The following RNF17 variants were observed in gnomAD, a reference collection of about 807,000 sequenced individuals.
RNF17 encodes the protein spermatogenesis associated 23.
A neutral mutation model predicts 200.5 loss-of-function variants in RNF17; 31 were observed. The ratio of observed to expected loss-of-function variants is 0.15; its 90% CI spans 0.12 to 0.21. The LOEUF (loss-of-function observed/expected upper bound fraction) is 0.21. Among genes scored for constraint, RNF17 ranks in the 10% least tolerant of loss-of-function variants. The pLI, the probability that RNF17 is intolerant of heterozygous loss-of-function variation, is 1.00. For synonymous variants in RNF17, 606 were observed against 637.8 expected (o/e 0.95, Z 0.75); for missense variants, 1,628 against 1,905.1 (o/e 0.85, Z 2.71).
rs1172829990 is a variant in RNF17 at position 24,874,252 on chromosome 13, T to A, written c.4583+3T>A. The A allele has an allele frequency of 1.3e-6, 2 of 1,569,874 alleles. No homozygotes were observed. The highest frequency in any genetic ancestry group is 1.7e-6 in the Non-Finnish European group (2 of 1,163,312). ...ACTGCAAAGCTGACATTAAACAGGT[T>A]AAAAATAAATGTCGGGGTGTTGAAT... On this transcript the variant is annotated splice_donor_region_variant and intron_variant, in intron 33 of 35. Transcript: ENST00000255324.
At chr13:24,870,455 G>C in intron 31 of RNF17, 116 bp from the exon 32 acceptor site, 1 of 746,852 alleles carries the variant, frequency 1.3e-6, no homozygotes, top group South Asian at 1.7e-5. Flanking sequence ...ATATCAGGAG[G>C]TGTAGGGGTC....
At chr13:24,753,912 T>A in the RNF17 span, among the ~76,000 whole-genome samples, 1 of 152,130 alleles carries the variant, frequency 6.6e-6, no homozygotes, top group African/African-American at 2.4e-5. Flanking sequence ...ATCCCAGCTC[T>A]TTGGGAGCCC....
At chr13:24,759,578 C>T (rs1252711731), upstream of RNF17, among the ~76,000 whole-genome samples, 1 of 152,148 alleles carries the variant, frequency 6.6e-6, no homozygotes, top group Admixed American at 6.5e-5. Flanking sequence ...GTTGTCATCT[C>T]TAGAAATTTA....
At chr13:24,841,007 C>T (rs1890577074) in intron 18 of RNF17, among the ~76,000 whole-genome samples, 1 of 152,108 alleles carries the variant, frequency 6.6e-6, no homozygotes, top group Admixed American at 6.6e-5. Context: ...CTAGCAGCTA[C>T]CGGCTGGAAA....
At chr13:24,798,687 G>A (rs1294466984) in intron 11 of RNF17, among the ~76,000 whole-genome samples, 2 of 152,152 alleles carry the variant, frequency 1.3e-5, no homozygotes, top group Non-Finnish European at 2.9e-5. Context: ...TAGGGTTGTT[G>A]TGGGGAGTAA....
chr13:24,840,615 A>G (rs1292114493), intron 18 of RNF17, among the ~76,000 whole-genome samples: 1 of 152,148 alleles, frequency 6.6e-6, no homozygotes, highest in East Asian at 1.9e-4. Flanking sequence ...CTTGGATGAG[A>G]TTGGAGACTA....
chr13:24,762,937 C>T (rs781467663), upstream of RNF17, among the ~76,000 whole-genome samples: 2 of 152,200 alleles, frequency 1.3e-5, no homozygotes, highest in Non-Finnish European at 2.9e-5. Context: ...TTTAAGGAAA[C>T]TCATACTCTG....
Position 24,767,542 on chromosome 13 carries a change from G to T in RNF17, c.225+176G>T, listed in dbSNP as rs546011584. On this transcript the variant is annotated intron_variant, in intron 2 of 35. Transcript: ENST00000255324. The stretch of plus-strand genomic sequence containing the variant: ...AGGCGGGCAGATCACGAGATCAAGA[G>T]ATCAAGACCACCTTGGCCAACATGG... Among the ~76,000 whole-genome samples the T allele has an allele frequency of 5.8e-4, 89 of 152,274 alleles. 1 individual carries two copies. Among genetic ancestry groups the T allele is most frequent in the South Asian group, 3.1e-3 (15 of 4,828 alleles).
At chr13:24,796,105 T>C (rs1348641083) in intron 10 of RNF17, 32 bp from the exon 11 acceptor site, 6 of 1,518,060 alleles carry the variant, frequency 4.0e-6, no homozygotes, top group Non-Finnish European at 5.4e-6. Flanking sequence ...TAACTCATGG[T>C]TTATTAATGT....
At chr13:24,759,627 G>A (rs1878520123), upstream of RNF17, among the ~76,000 whole-genome samples, 1 of 152,094 alleles carries the variant, frequency 6.6e-6, no homozygotes, top group South Asian at 2.1e-4. Flanking sequence ...TGTATCATAG[G>A]ACTATCTCTA....
At chr13:24,752,690 G>A in the RNF17 span, among the ~76,000 whole-genome samples, 103 of 152,382 alleles carry the variant, frequency 6.8e-4, no homozygotes, top group Admixed American at 4.0e-3. Flanking sequence ...GATGGAAGCC[G>A]CTGATCTGAC....
chr13:24,851,057 C>T (rs1193866665), intron 23 of RNF17, among the ~76,000 whole-genome samples: 5 of 152,168 alleles, frequency 3.3e-5, no homozygotes, highest in Non-Finnish European at 7.3e-5. Context: ...TGCAGTGGCG[C>T]GATCTCGGCT....
At position 24,853,983 on chromosome 13, in the gene RNF17, T is replaced by C; in HGVS notation, c.3449T>C (p.Ile1150Thr). 6.2e-7 allele frequency: 1 copy of C among 1,614,190 alleles called. No individual in the cohort carries two copies. The highest frequency in any genetic ancestry group is 8.5e-7 in the Non-Finnish European group (1 of 1,180,016). The change falls in exon 25 of 36, where the codon ATA (isoleucine) becomes ACA (threonine). Residue 1150 changes from isoleucine (I) to threonine (T), a missense_variant. Physicochemically the swap from Ile to Thr is moderately conservative, Grantham distance 89. This residue lies in a region of RNF17 where 609 missense variants were observed against 681.9 expected (regional missense o/e 0.89). Coordinates refer to ENST00000255324, the MANE Select transcript of RNF17 (RefSeq NM_031277.3). ...GACCCTGACAAGAAAACTGCTGACA[T>C]AATCAGTGAACAGAAAGTGTCTGAA... ...NFDPDKKTAD[I>T]ISEQKVSEFQ...
chr13:24,835,772 C>T (rs559279107), intron 18 of RNF17, among the ~76,000 whole-genome samples: 2 of 152,200 alleles, frequency 1.3e-5, no homozygotes, highest in Non-Finnish European at 2.9e-5. Context: ...CTCTTCAATA[C>T]CCCCCCAAAA....
At chr13:24,876,917 G>A (rs370298826) in intron 33 of RNF17, 80 bp from the exon 34 acceptor site, 22 of 1,161,468 alleles carry the variant, frequency 1.9e-5, no homozygotes, top group East Asian at 1.8e-4. Flanking sequence ...GTTATGAAGC[G>A]TTTCCCCTAT....
chr13:24,767,352 T>C lies in RNF17; in HGVS notation c.211T>C (p.Cys71Arg). ...LMTEECTTII[C>R]PDCEVATAVN... is the part of the protein sequence containing the mutation. ...GACTGAAGAATGCACCACAATTATA[T>C]GCCCTGATTGTGAGGTAAGTGTTAT... is the stretch of plus-strand genomic sequence containing the variant. The change falls in exon 2 of 36, where the codon TGC becomes CGC. Residue 71 changes from cysteine to arginine, a missense_variant. Coordinates refer to ENST00000255324, the MANE Select transcript of RNF17 (RefSeq NM_031277.3). The C allele has an allele frequency of 6.3e-7, 1 of 1,598,744 alleles. No individual in the cohort carries two copies. Among genetic ancestry groups the C allele is most frequent in the Non-Finnish European group, 8.6e-7 (1 of 1,166,172 alleles).
At chr13:24,865,443 G>C (rs1027170802) in intron 29 of RNF17, among the ~76,000 whole-genome samples, 1 of 152,152 alleles carries the variant, frequency 6.6e-6, no homozygotes, top group African/African-American at 2.4e-5. Context: ...GCTTCCATAA[G>C]TGGCTCATTC....
intron 15 of RNF17, among the ~76,000 whole-genome samples, chr13:24,807,495 TG>T (rs1357930769): frequency 6.6e-6 from 1 of 152,202 alleles, no homozygotes; most frequent in East Asian, 1.9e-4. Flanking sequence ...TTGATGGGGT[TG>T]TTTTTTTCTT....
intron 5 of RNF17, 135 bp from the exon 6 acceptor site, chr13:24,781,709 A>C (rs1244774812): frequency 3.3e-6 from 2 of 606,650 alleles, no homozygotes; most frequent in Non-Finnish European, 5.7e-6. Flanking sequence ...GACTTATTCT[A>C]TTTATATTAT....
Sources: allele counts gnomAD v4.1 joint callset (sites outside exome capture counted in the v4.1 genomes callset), GRCh38; gene constraint gnomAD v4.1.1; regional missense constraint gnomAD v4.1.1; transcripts MANE v1.5; gene names NCBI Gene and HGNC (gene_info 2026-07-23, HGNC 2026-07-21).